Variants in LRP1B observed in about 807,000 individuals in gnomAD.
LRP1B encodes the protein low-density lipoprotein receptor-related protein 1B.
Under a neutral mutation model 556.6 loss-of-function variants are expected in LRP1B, and 217 were observed. The ratio of observed to expected loss-of-function variants is 0.39; its 90% CI spans 0.35 to 0.44. The LOEUF is 0.44. Among genes scored for constraint, LRP1B ranks in the 20% least tolerant of loss-of-function variants. The pLI is 1.00. For synonymous variants in LRP1B, 2,047 were observed against 1,865.8 expected (o/e 1.10, Z -2.50); for missense variants, 5,053 against 5,620.8 (o/e 0.90, Z 3.23).
chr2:140,609,101 C>G (rs565943538), intron 41 of LRP1B, among the ~76,000 whole-genome samples: 2 of 152,294 alleles, frequency 1.3e-5, no homozygotes, highest in East Asian at 3.9e-4. Flanking sequence ...ATTAAACTAA[C>G]ATTGGCATGT....
intron 1 of LRP1B, among the ~76,000 whole-genome samples, chr2:141,828,417 C>G (rs7587803): frequency 0.015 from 2,299 of 151,928 alleles, 29 homozygotes; most frequent in Non-Finnish European, 0.021. Context: ...GGAAGTTCAA[C>G]CTAACTGTAA....
At chr2:141,587,279 T>A (rs1401774414) in intron 2 of LRP1B, among the ~76,000 whole-genome samples, 3 of 152,174 alleles carry the variant, frequency 2.0e-5, no homozygotes, top group Non-Finnish European at 4.4e-5. Flanking sequence ...TAATAAATAG[T>A]CAACCACATA....
intron 83 of LRP1B, among the ~76,000 whole-genome samples, chr2:140,305,177 C>G (rs970659972): frequency 6.6e-6 from 1 of 151,994 alleles, no homozygotes. Flanking sequence ...AAGTAGTTTT[C>G]TCCAATTCTG....
rs544380684 is a variant in LRP1B, at chr2:140,748,956, GC to G, written c.5758+20256del. Among the ~76,000 whole-genome samples the G allele has an allele frequency of 1.2e-3, 181 of 149,298 alleles. 2 individuals carry two copies. Among genetic ancestry groups the G allele is most frequent in the African/African-American group, 4.3e-3 (175 of 40,610 alleles). On this transcript the variant is annotated intron_variant, in intron 35 of 90. Coordinates refer to ENST00000389484, the MANE Select transcript of LRP1B (RefSeq NM_018557.3). Reference sequence around the variant, plus strand: ...GACATTATAAAATATACTTACACAAGCCAAGATGGTATAAACTACTACACGC... The same window carrying G: ...GACATTATAAAATATACTTACACAAGCAAGATGGTATAAACTACTACACGC...
chr2:141,803,379 C>T (rs1696073634), intron 2 of LRP1B, among the ~76,000 whole-genome samples: 1 of 151,846 alleles, frequency 6.6e-6, no homozygotes, highest in Non-Finnish European at 1.5e-5. Flanking sequence ...CCCCACCTTC[C>T]TATCCCCCCT....
At chr2:140,621,098 T>G (rs192057152) in intron 41 of LRP1B, among the ~76,000 whole-genome samples, 23 of 152,048 alleles carry the variant, frequency 1.5e-4, no homozygotes, top group African/African-American at 5.3e-4. Context: ...ATACTGATAT[T>G]GGGCCAGGTG....
intron 35 of LRP1B, among the ~76,000 whole-genome samples, chr2:140,751,787 C>A (rs1688588971): frequency 6.6e-6 from 1 of 152,126 alleles, no homozygotes. Flanking sequence ...GATGTTTAAA[C>A]CAAGCTGCCC....
intron 1 of LRP1B, among the ~76,000 whole-genome samples, chr2:142,014,237 G>A (rs1292318586): frequency 6.8e-6 from 1 of 147,534 alleles, no homozygotes; most frequent in African/African-American, 2.7e-5. Flanking sequence ...TTTCTTGCAC[G>A]AGATCGAAGA....
At chr2:141,186,502 T>C (rs1681266155) in intron 7 of LRP1B, among the ~76,000 whole-genome samples, 2 of 152,072 alleles carry the variant, frequency 1.3e-5, no homozygotes, top group Admixed American at 1.3e-4. Context: ...AAGTGTTCTG[T>C]GGCAACCAGG....
At chr2:140,949,736 C>T (rs1364806650) in intron 20 of LRP1B, among the ~76,000 whole-genome samples, 7 of 151,546 alleles carry the variant, frequency 4.6e-5, no homozygotes, top group Non-Finnish European at 8.8e-5. Context: ...GTCAGGAGAT[C>T]GAGACCATCC....
chr2:141,542,984 A>G (rs1009155642), intron 2 of LRP1B, among the ~76,000 whole-genome samples: 2 of 152,176 alleles, frequency 1.3e-5, no homozygotes, highest in African/African-American at 4.8e-5. Context: ...CATTAAGTGA[A>G]AAGAGTAAGG....
chr2:140,264,119 G>A (rs1298164564), intron 86 of LRP1B, among the ~76,000 whole-genome samples: 1 of 152,120 alleles, frequency 6.6e-6, no homozygotes, highest in Non-Finnish European at 1.5e-5. Flanking sequence ...ATCACTGTGT[G>A]TACAATGTGT....
intron 3 of LRP1B, among the ~76,000 whole-genome samples, chr2:141,285,005 A>T (rs1414807806): frequency 1.3e-5 from 2 of 152,116 alleles, no homozygotes; most frequent in Admixed American, 1.3e-4. Flanking sequence ...TACATTTAAC[A>T]TTGTATTCAG....
intron 3 of LRP1B, among the ~76,000 whole-genome samples, chr2:141,407,489 A>T (rs569578464): frequency 1.3e-5 from 2 of 152,192 alleles, no homozygotes; most frequent in Admixed American, 6.5e-5. Context: ...GCCTAGTGGG[A>T]GGTGTTTGGA....
At chr2:140,801,577 T>G in intron 32 of LRP1B, among the ~76,000 whole-genome samples, 1 of 83,762 alleles carries the variant, frequency 1.2e-5, no homozygotes, top group Non-Finnish European at 3.1e-5. Context: ...TAACAAATCT[T>G]ACTAATTTTT....
chr2:141,349,014 G>C (rs1384876200), intron 3 of LRP1B, among the ~76,000 whole-genome samples: 1 of 152,002 alleles, frequency 6.6e-6, no homozygotes, highest in Non-Finnish European at 1.5e-5. Context: ...CAGCCACATG[G>C]AACTCTAAGT....
rs927836071 is a variant in LRP1B, at chr2:141,971,135, A to G, written c.82+159513T>C. 5.9e-5 allele frequency among the ~76,000 whole-genome samples: 9 copies of G among 151,568 alleles called. No homozygotes were observed. In the South Asian group the frequency reaches 1.4e-3, roughly 24 times the overall value. The stretch of plus-strand genomic sequence containing the variant: ...ATCCTTTTGAGCATGGAGCAATACA[A>G]TGCAAGAATCAAAGAAAATGCACCA... On this transcript the variant is annotated intron_variant, in intron 1 of 90. Transcript: ENST00000389484.
chr2:140,488,765 C>T (rs1033283569), intron 57 of LRP1B, among the ~76,000 whole-genome samples: 1 of 151,946 alleles, frequency 6.6e-6, no homozygotes, highest in African/African-American at 2.4e-5. Context: ...AGCTTGCTTA[C>T]ATCAATATTC....
intron 2 of LRP1B, among the ~76,000 whole-genome samples, chr2:141,498,784 A>G (rs182992500): frequency 1.3e-5 from 2 of 152,182 alleles, no homozygotes; most frequent in African/African-American, 4.8e-5. Context: ...TGTGTGGTGA[A>G]TCTCTGCCAC....
Sources: allele counts gnomAD v4.1 joint callset (sites outside exome capture counted in the v4.1 genomes callset), GRCh38; gene constraint gnomAD v4.1.1; transcripts MANE v1.5; gene names NCBI Gene and HGNC (gene_info 2026-07-23, HGNC 2026-07-21).